CLEC16A: variants seen among roughly 807,000 people sequenced by gnomAD.
CLEC16A encodes the protein protein CLEC16A.
In CLEC16A, 51 loss-of-function variants were observed where a neutral mutation model predicts 109.5. The ratio of observed to expected loss-of-function variants is 0.47; its 90% CI spans 0.37 to 0.59. The LOEUF (loss-of-function observed/expected upper bound fraction) is 0.59, where lower values mean the gene tolerates loss of function less well. Among genes scored for constraint, CLEC16A ranks in the 20% least tolerant of loss-of-function variants. The pLI is 0.00. For synonymous variants in CLEC16A, 673 were observed against 564.2 expected (o/e 1.19, Z -2.73); for missense variants, 1,339 against 1,394.0 (o/e 0.96, Z 0.63).
At position 11,114,737 on chromosome 16, in the gene CLEC16A, G is replaced by A. The variant is rs113755233; in HGVS notation, c.2117-5878G>A. Among the ~76,000 whole-genome samples, 175 of 152,118 alleles carry A rather than the reference G, an allele frequency of 1.2e-3. 4 individuals are homozygous for A. The highest frequency in any genetic ancestry group is 1.4e-3 in the Admixed American group (21 of 15,270). On this transcript the variant is annotated intron_variant, in intron 19 of 23. Coordinates refer to ENST00000409790, the MANE Select transcript of CLEC16A (RefSeq NM_015226.3). ...TGGAGCAGCCGAGGACTGGGGCAGG[G>A]TACAGGAGTTCCCTAAAATGATACT...
At position 10,961,817 on chromosome 16, in the gene CLEC16A, G is replaced by A. The variant is rs1189374560; in HGVS notation, c.210-638G>A. On this transcript the variant is annotated intron_variant, in intron 2 of 23. Transcript: ENST00000409790. This position sits in a 1 kb window ranked among gnomAD's most constrained non-coding sequence, Gnocchi z 4.3. ...TTTTTTAGTCTTCTGTTGTTTTTAC[G>A]ACCCTGAAAGTTTTGAGAAATGCTG... Among the ~76,000 whole-genome samples the A allele has an allele frequency of 1.3e-5, 2 of 152,000 alleles. No homozygotes were observed. The highest frequency in any genetic ancestry group is 2.9e-5 in the Non-Finnish European group (2 of 68,012).
chr16:11,030,605 T>C (rs1037890371), intron 13 of CLEC16A, among the ~76,000 whole-genome samples: 2 of 152,194 alleles, frequency 1.3e-5, no homozygotes, highest in African/African-American at 4.8e-5. Flanking sequence ...TTAAATTGAA[T>C]TGAGTAAAAA....
At chr16:11,018,760 A>AAAAAAAAAAAAAAAG (rs2045920105) in intron 11 of CLEC16A, among the ~76,000 whole-genome samples, 1 of 151,598 alleles carries the variant, frequency 6.6e-6, no homozygotes, top group African/African-American at 2.4e-5. Flanking sequence ...AAAAAAAAAA[A>AAAAAAAAAAAAAAAG]AAAAATGGAG....
At chr16:11,109,551 C>T (rs915162193) in intron 19 of CLEC16A, among the ~76,000 whole-genome samples, 1 of 152,152 alleles carries the variant, frequency 6.6e-6, no homozygotes, top group African/African-American at 2.4e-5. Context: ...GTGTTTTTTG[C>T]CCTCCCTGCA....
chr16:11,052,052 C>T (rs551917670), intron 18 of CLEC16A, among the ~76,000 whole-genome samples: 3 of 152,176 alleles, frequency 2.0e-5, no homozygotes, highest in South Asian at 4.2e-4. Context: ...GTTAAGGCAT[C>T]TACCTGCTCT....
intron 19 of CLEC16A, among the ~76,000 whole-genome samples, chr16:11,108,769 A>G (rs1307094150): frequency 6.6e-6 from 1 of 152,178 alleles, no homozygotes; most frequent in African/African-American, 2.4e-5. Context: ...TTGGCATATA[A>G]AAGCACTTTA....
chr16:11,158,616 C>A (rs1245744503), intron 22 of CLEC16A, among the ~76,000 whole-genome samples: 1 of 152,246 alleles, frequency 6.6e-6, no homozygotes, highest in South Asian at 2.1e-4. Flanking sequence ...TGACAGACAC[C>A]CTGGGGTTAA....
intron 14 of CLEC16A, chr16:11,040,136 C>G: frequency 4.5e-6 from 2 of 442,650 alleles, no homozygotes; most frequent in East Asian, 7.5e-5. Context: ...CCCCGCCCTT[C>G]TTTTGCTGAG....
chr16:10,964,526 G>C (rs956185113), intron 3 of CLEC16A, among the ~76,000 whole-genome samples: 5 of 152,234 alleles, frequency 3.3e-5, no homozygotes, highest in Non-Finnish European at 7.3e-5. Context: ...CTGGGCGTGA[G>C]CGTGAGAGCA....
At chr16:11,095,013 TG>T (rs2050524062) in intron 19 of CLEC16A, among the ~76,000 whole-genome samples, 1 of 152,328 alleles carries the variant, frequency 6.6e-6, no homozygotes, top group African/African-American at 2.4e-5. Flanking sequence ...TCTTAGCAGG[TG>T]TGATCAAGCA....
At chr16:10,977,448 G>C (rs1273545792) in intron 8 of CLEC16A, 49 bp downstream of exon 8, 3 of 1,544,586 alleles carry the variant, frequency 1.9e-6, no homozygotes, top group Non-Finnish European at 2.7e-6. Flanking sequence ...TCAGAAGTGG[G>C]GAAGAACAGT....
At chr16:11,048,863 T>C (rs3901386) in intron 17 of CLEC16A, among the ~76,000 whole-genome samples, 74,297 of 151,614 alleles carry the variant, frequency 0.49, 19,303 homozygotes, top group African/African-American at 0.68. Flanking sequence ...CAATGTCATT[T>C]CCTACAGTTT....
chr16:11,101,111 C>G (rs1036825516), intron 19 of CLEC16A, among the ~76,000 whole-genome samples: 3 of 152,106 alleles, frequency 2.0e-5, no homozygotes, highest in African/African-American at 7.2e-5. Flanking sequence ...GCTTAGTAAA[C>G]TCTTTGTTCG....
chr16:11,036,370 C>G (rs1274702361), intron 13 of CLEC16A, among the ~76,000 whole-genome samples: 1 of 152,000 alleles, frequency 6.6e-6, no homozygotes, highest in Non-Finnish European at 1.5e-5. Context: ...TTGGCAAGTC[C>G]TGGCCCTCCC....
intron 18 of CLEC16A, chr16:11,056,629 A>G (rs775923783): frequency 6.6e-6 from 1 of 152,240 alleles, no homozygotes; most frequent in African/African-American, 2.4e-5. Flanking sequence ...TTGTAAAACC[A>G]CAAGCAGTTT....
intron 19 of CLEC16A, among the ~76,000 whole-genome samples, chr16:11,112,997 T>C (rs1393134375): frequency 6.6e-6 from 1 of 152,214 alleles, no homozygotes; most frequent in Non-Finnish European, 1.5e-5. Context: ...TAGTGCCTAG[T>C]ACAGAGCCTG....
intron 23 of CLEC16A, among the ~76,000 whole-genome samples, chr16:11,172,715 C>A (rs1308231407): frequency 6.6e-6 from 1 of 152,002 alleles, no homozygotes; most frequent in Non-Finnish European, 1.5e-5. Context: ...ATGGTGAACC[C>A]CCATCTCTAC....
rs772541258 is a variant in CLEC16A at position 10,944,780 on chromosome 16, C to T, written c.63C>T (p.His21=). The change falls in exon 1 of 24, where the codon CAC becomes CAT. Residue 21 remains histidine, a synonymous_variant. Transcript: ENST00000409790. ...ATGGCAAGACTTCCCGCAACATCCACTCCTTGGACCACCTCAAGTGAGTGT... is the reference window on the plus strand; with the variant it reads ...ATGGCAAGACTTCCCGCAACATCCATTCCTTGGACCACCTCAAGTGAGTGT... The part of the protein sequence containing the change: ...GGHGKTSRNI[H]SLDHLKYLYH... 11 of 1,609,402 alleles carry T rather than the reference C, an allele frequency of 6.8e-6. No homozygotes were observed. The South Asian group carries it at 1.2e-4, about 18-fold the overall frequency.
chr16:11,073,907 A>G (rs2049207202), intron 19 of CLEC16A, among the ~76,000 whole-genome samples: 1 of 152,228 alleles, frequency 6.6e-6, no homozygotes, highest in African/African-American at 2.4e-5. Context: ...GCATTTCCAA[A>G]TCTCATCTTG....
Sources: allele counts gnomAD v4.1 joint callset (sites outside exome capture counted in the v4.1 genomes callset), GRCh38; gene constraint gnomAD v4.1.1; non-coding constraint Gnocchi (gnomAD v3.1); transcripts MANE v1.5; gene names NCBI Gene and HGNC (gene_info 2026-07-23, HGNC 2026-07-21).